PIP5K1B: variants seen among roughly 807,000 people sequenced by gnomAD.
PIP5K1B encodes the protein phosphatidylinositol-4-phosphate 5-kinase type 1 beta, also known as phosphatidylinositol 4-phosphate 5-kinase type-1 beta.
In PIP5K1B, 42 loss-of-function variants were observed where a neutral mutation model predicts 67.0. That is an observed-to-expected ratio of 0.63 (90% CI 0.49 to 0.81). The LOEUF is 0.81. Among genes scored for constraint, PIP5K1B ranks in the 30% least tolerant of loss-of-function variants. The pLI is 0.00. For missense variants in PIP5K1B, 459 were observed against 646.3 expected (o/e 0.71, Z 3.14); for synonymous variants, 214 against 231.4 (o/e 0.92, Z 0.68).
intron 14 of PIP5K1B, among the ~76,000 whole-genome samples, chr9:68,953,279 G>A (rs1397973400): frequency 6.6e-6 from 1 of 151,880 alleles, no homozygotes; most frequent in African/African-American, 2.4e-5. Context: ...TTTGTTCGCT[G>A]AGATTTTATT....
At chr9:68,824,231 C>A (rs780471248) in intron 4 of PIP5K1B, 1 of 518,940 alleles carries the variant, frequency 1.9e-6, no homozygotes, top group Non-Finnish European at 3.8e-6. Flanking sequence ...TATTCTCAAT[C>A]AGCATCAAGA....
intron 2 of PIP5K1B, among the ~76,000 whole-genome samples, chr9:68,752,266 A>G (rs1439024783): frequency 6.6e-6 from 1 of 152,200 alleles, no homozygotes; most frequent in African/African-American, 2.4e-5. Context: ...TCATAACTTT[A>G]TAATGTCATA....
intron 14 of PIP5K1B, among the ~76,000 whole-genome samples, chr9:68,986,947 AT>A (rs1830118609): frequency 6.6e-6 from 1 of 152,296 alleles, no homozygotes; most frequent in South Asian, 2.1e-4. Flanking sequence ...ATGTAGCGTC[AT>A]TTAAAAAAAA....
chr9:68,802,834 C>T lies in PIP5K1B; in HGVS notation c.-85-15627C>T, dbSNP rs111985844. 3.3e-4 allele frequency among the ~76,000 whole-genome samples: 51 copies of T among 152,246 alleles called. 1 individual carries two copies. The highest frequency in any genetic ancestry group is 6.2e-4 in the South Asian group (3 of 4,824). ...GATATGAGAGTCGTGAGAGGTCATA[C>T]GCTGTGCCAAAACCTCTGAGGTTTG... On this transcript the variant is annotated intron_variant, in intron 2 of 15. Coordinates refer to ENST00000265382, the MANE Select transcript of PIP5K1B (RefSeq NM_003558.4).
chr9:68,858,462 C>T (rs2132239228), intron 4 of PIP5K1B, among the ~76,000 whole-genome samples: 1 of 152,304 alleles, frequency 6.6e-6, no homozygotes, highest in Admixed American at 6.5e-5. Flanking sequence ...CAAAAATTTT[C>T]ACATGTAGTT....
At chr9:68,716,919 A>T (rs1326306009) in intron 1 of PIP5K1B, among the ~76,000 whole-genome samples, 3 of 152,244 alleles carry the variant, frequency 2.0e-5, no homozygotes, top group African/African-American at 7.2e-5. Flanking sequence ...ATAAGAAAGA[A>T]CAAAATCATG....
At chr9:68,920,224 G>A (rs1451509268) in intron 11 of PIP5K1B, among the ~76,000 whole-genome samples, 1 of 151,994 alleles carries the variant, frequency 6.6e-6, no homozygotes, top group African/African-American at 2.4e-5. Flanking sequence ...ACACCTGCTT[G>A]GTGTGAACAT....
intron 3 of PIP5K1B, among the ~76,000 whole-genome samples, chr9:68,819,443 T>C (rs1243760895): frequency 1.3e-5 from 2 of 152,126 alleles, no homozygotes; most frequent in Non-Finnish European, 2.9e-5. Context: ...CTGGCTAATT[T>C]TTTATTTTTT....
chr9:68,989,094 CAAAAAAAAA>C (rs71353097), intron 14 of PIP5K1B, among the ~76,000 whole-genome samples: 9 of 55,996 alleles, frequency 1.6e-4, no homozygotes, highest in South Asian at 1.2e-3. Flanking sequence ...GACTCCGTCT[CAAAAAAAAA>C]AAAAAAAAAA....
intron 14 of PIP5K1B, among the ~76,000 whole-genome samples, chr9:68,975,467 G>A (rs1216173058): frequency 2.6e-5 from 4 of 152,180 alleles, no homozygotes; most frequent in African/African-American, 9.7e-5. Context: ...TAAAAGTTAA[G>A]GTGTTTATTT....
At chr9:69,004,817 CT>C (rs533879937) in intron 15 of PIP5K1B, among the ~76,000 whole-genome samples, 253 of 152,252 alleles carry the variant, frequency 1.7e-3, no homozygotes, top group Non-Finnish European at 3.2e-3. Flanking sequence ...ATTATGGCAC[CT>C]TTTATGCTAA....
chr9:68,754,461 G>A (rs540006967), intron 2 of PIP5K1B, among the ~76,000 whole-genome samples: 17 of 152,062 alleles, frequency 1.1e-4, no homozygotes, highest in Admixed American at 8.5e-4. Flanking sequence ...GAGCCACCAC[G>A]CCCGGCCGGT....
chr9:68,956,468 AG>A (rs200680890), intron 14 of PIP5K1B, among the ~76,000 whole-genome samples: 4,301 of 152,328 alleles, frequency 0.028, 65 homozygotes, highest in Middle Eastern at 0.041. Context: ...ACTCTGTCTC[AG>A]AAAAAAAAAG....
At chr9:68,719,539 A>C (rs903386159) in intron 1 of PIP5K1B, among the ~76,000 whole-genome samples, 1 of 152,222 alleles carries the variant, frequency 6.6e-6, no homozygotes, top group African/African-American at 2.4e-5. Context: ...AAAAAGAAGC[A>C]ACGGTGTCAT....
At chr9:68,847,172 G>A (rs1277258916) in intron 4 of PIP5K1B, among the ~76,000 whole-genome samples, 1 of 152,094 alleles carries the variant, frequency 6.6e-6, no homozygotes, top group African/African-American at 2.4e-5. Flanking sequence ...ACTGAGAGAT[G>A]CTGGTTTATT....
chr9:68,822,565 G>A, intron 3 of PIP5K1B, 50 bp from the exon 4 acceptor site: 1 of 1,266,300 alleles, frequency 7.9e-7, no homozygotes, highest in African/African-American at 1.5e-5. Flanking sequence ...TTAATATATT[G>A]TATTTCAGAG....
In PIP5K1B at chr9:68,852,351, G is replaced by A. The variant is rs77831542; in HGVS notation, c.70-11486G>A. 2.9e-3 allele frequency among the ~76,000 whole-genome samples: 427 copies of A among 149,242 alleles called. 3 individuals are homozygous for A. Among genetic ancestry groups the A allele is most frequent in the African/African-American group, 0.01 (410 of 40,472 alleles). ...CCTTGTTACCCGCCTCCCCCACACC[G>A]CCCCCCAAGCCATAAAAAGGTAAGA... On this transcript the variant is annotated intron_variant, in intron 4 of 15. Transcript: ENST00000265382.
intron 2 of PIP5K1B, chr9:68,784,520 T>C (rs1272328690): frequency 1.8e-5 from 3 of 166,682 alleles, no homozygotes; most frequent in Non-Finnish European, 2.9e-5. Context: ...GATTCACATT[T>C]ATTAGTTCAA....
At chr9:68,830,123 C>T (rs1191236116) in intron 4 of PIP5K1B, among the ~76,000 whole-genome samples, 1 of 151,590 alleles carries the variant, frequency 6.6e-6, no homozygotes, top group African/African-American at 2.4e-5. Context: ...AGAGCAAGAC[C>T]CCATCTCAAA....
Sources: gnomAD v4.1 joint callset for allele counts (sites outside exome capture counted in the v4.1 genomes callset) on GRCh38, gnomAD v4.1.1 for gene constraint, MANE v1.5 for transcripts, NCBI Gene and HGNC (gene_info 2026-07-23, HGNC 2026-07-21) for gene names.